The following TRPV1 variants were observed in gnomAD, a reference collection of about 807,000 sequenced individuals.
TRPV1 encodes the protein transient receptor potential cation channel subfamily V member 1.
A neutral mutation model predicts 82.3 loss-of-function variants in TRPV1; 82 were observed. The ratio of observed to expected loss-of-function variants is 1.00; its 90% CI spans 0.83 to 1.20. TRPV1 has a LOEUF of 1.20. Among genes scored for constraint, TRPV1 ranks in the 50% most tolerant of loss-of-function variants. The pLI, the probability that TRPV1 is intolerant of heterozygous loss-of-function variation, is 0.00. For synonymous variants in TRPV1, 515 were observed against 467.7 expected (o/e 1.10, Z -1.30); for missense variants, 1,067 against 1,096.8 (o/e 0.97, Z 0.38).
At chr17:3,574,490 G>A (rs2074903272) in intron 13 of TRPV1, among the ~76,000 whole-genome samples, 1 of 152,186 alleles carries the variant, frequency 6.6e-6, no homozygotes, top group Admixed American at 6.6e-5. Flanking sequence ...TTCAGATCCA[G>A]GTGCCAGAGC....
intron 2 of TRPV1, among the ~76,000 whole-genome samples, chr17:3,600,363 G>A (rs913031751): frequency 5.3e-5 from 8 of 152,260 alleles, no homozygotes; most frequent in African/African-American, 1.4e-4. Context: ...AGAAGTGGGC[G>A]GACTGTCTGA....
chr17:3,573,532 G>GGGGGGGGGGCCCCC, intron 14 of TRPV1, 101 bp downstream of exon 14: 1 of 257,076 alleles, frequency 3.9e-6, no homozygotes, highest in Non-Finnish European at 7.7e-6. Flanking sequence ...GCCACACACC[G>GGGGGGGGGGCCCCC]CCCCCACCAC....
chr17:3,583,803 C>T (rs540222017), intron 9 of TRPV1, among the ~76,000 whole-genome samples: 1 of 152,328 alleles, frequency 6.6e-6, no homozygotes, highest in Admixed American at 6.5e-5. Context: ...CAGCCCATGG[C>T]CAGTCTCCCA....
chr17:3,577,806 G>A (rs2074955042), intron 11 of TRPV1, 43 bp from the exon 12 acceptor site: 5 of 1,554,274 alleles, frequency 3.2e-6, no homozygotes, highest in Non-Finnish European at 4.4e-6. Context: ...GGGAACCCAG[G>A]AGGCCTGGCA....
At chr17:3,585,577 G>A (rs222745) in intron 9 of TRPV1, 191 bp downstream of exon 9, 83,820 of 673,764 alleles carry the variant, frequency 0.12, 6,463 homozygotes, top group East Asian at 0.28. Flanking sequence ...CGGGTCTCCT[G>A]TACAGCCTGA....
chr17:3,591,572 A>G (rs2075158302), intron 3 of TRPV1, among the ~76,000 whole-genome samples: 1 of 152,106 alleles, frequency 6.6e-6, no homozygotes, highest in Non-Finnish European at 1.5e-5. Context: ...CTGTCTATAG[A>G]CACCATCTAG....
At chr17:3,580,196 G>A (rs765928168) in intron 11 of TRPV1, among the ~76,000 whole-genome samples, 34 of 152,186 alleles carry the variant, frequency 2.2e-4, no homozygotes, top group Non-Finnish European at 4.0e-4. Context: ...CAGATGGATG[G>A]ACAATGAGTG....
At chr17:3,577,557 A>G in intron 12 of TRPV1, 41 bp downstream of exon 12, 1 of 1,551,758 alleles carries the variant, frequency 6.4e-7, no homozygotes, top group Middle Eastern at 1.7e-4. Context: ...CCACGAGGTA[A>G]GCGGGCTCTG....
rs1567658951 is a variant in TRPV1 at position 3,573,532 on chromosome 17, G to GGCCCC, written c.2103+100_2103+101insGGGGC. 1.4e-4 allele frequency: 36 copies of GGCCCC among 257,070 alleles called. 9 individuals are homozygous for GGCCCC. The highest frequency in any genetic ancestry group is 1.8e-4 in the South Asian group (6 of 33,502). The allele number at this position is 257,070 out of a possible 1,614,324, so 15.9% of individuals were successfully genotyped here. Reference sequence around the variant, plus strand: ...GCCCATACCCTCCTGGCCACACACCGCCCCCACCACCCACCCACCTGCAGC... The same window carrying GGCCCC: ...GCCCATACCCTCCTGGCCACACACCGGCCCCCCCCCACCACCCACCCACCTGCAGC... On this transcript the variant is annotated intron_variant, in intron 14 of 16. Coordinates refer to ENST00000572705, the MANE Select transcript of TRPV1 (RefSeq NM_080704.4).
chr17:3,607,480 T>C (rs1488550431), intron 2 of TRPV1, among the ~76,000 whole-genome samples: 1 of 151,918 alleles, frequency 6.6e-6, no homozygotes, highest in African/African-American at 2.4e-5. Flanking sequence ...ATCTGTAATA[T>C]AATTTAATTT....
At chr17:3,598,714 T>C (rs55808484) in intron 2 of TRPV1, among the ~76,000 whole-genome samples, 32,956 of 151,042 alleles carry the variant, frequency 0.22, 3,974 homozygotes, top group South Asian at 0.28. Context: ...TACAGGCACG[T>C]GCCACCACGC....
At chr17:3,574,307 C>T (rs568707016) in intron 13 of TRPV1, among the ~76,000 whole-genome samples, 10 of 152,312 alleles carry the variant, frequency 6.6e-5, no homozygotes, top group African/African-American at 2.4e-4. Flanking sequence ...GCTCCATGAG[C>T]ACTGAGCCGC....
intron 13 of TRPV1, among the ~76,000 whole-genome samples, chr17:3,576,212 ACT>A (rs1331139648): frequency 4.0e-5 from 6 of 151,786 alleles, no homozygotes. Flanking sequence ...ACAGCATGAG[ACT>A]CTGTCTCAAA....
At chr17:3,594,127 C>CAAA (rs57620622) in intron 2 of TRPV1, among the ~76,000 whole-genome samples, 408 of 46,142 alleles carry the variant, frequency 8.8e-3, no homozygotes, top group Middle Eastern at 0.015. Context: ...AACTCTGTCT[C>CAAA]AAAAAAAAAA....
chr17:3,592,685 C>T (rs1407913855), intron 2 of TRPV1: 12 of 295,488 alleles, frequency 4.1e-5, no homozygotes, highest in Non-Finnish European at 7.6e-5. Flanking sequence ...CATCCCTCCT[C>T]GTCTCTGGGC....
Position 3,591,241 on chromosome 17 carries a change from G to A in TRPV1, c.397C>T (p.Leu133=). The A allele has an allele frequency of 1.2e-6, 2 of 1,613,266 alleles. No homozygotes were observed. Among genetic ancestry groups the A allele is most frequent in the South Asian group, 2.2e-5 (2 of 91,028 alleles). ...AQNNCQDLES[L]LLFLQKSKKH... ...TTGCTCTTCTGCAGGAAGAGCAGCA[G>A]GCTCTCCAGATCCTGGCAGTTATTC... The change falls in exon 4 of 17, where the codon CTG becomes TTG. Residue 133 remains leucine (L), a synonymous_variant. Transcript: ENST00000572705.
intron 10 of TRPV1, among the ~76,000 whole-genome samples, chr17:3,581,782 G>T: frequency 6.7e-6 from 1 of 148,166 alleles, no homozygotes; most frequent in Non-Finnish European, 1.5e-5. Flanking sequence ...CTACTCGGGA[G>T]GCTGAGGCAG....
chr17:3,572,583 G>C (rs1290783794), intron 14 of TRPV1, among the ~76,000 whole-genome samples: 2 of 152,234 alleles, frequency 1.3e-5, no homozygotes, highest in Non-Finnish European at 2.9e-5. Flanking sequence ...GCAGGGCCAC[G>C]AGTGAGACTG....
intron 9 of TRPV1, among the ~76,000 whole-genome samples, chr17:3,584,421 AT>A (rs1304579708): frequency 0.017 from 283 of 16,204 alleles, 26 homozygotes; most frequent in Middle Eastern, 0.045. Context: ...AAAAAATAAA[AT>A]AAAAAAAAAA....
Sources: allele counts gnomAD v4.1 joint callset (sites outside exome capture counted in the v4.1 genomes callset), GRCh38; gene constraint gnomAD v4.1.1; transcripts MANE v1.5; gene names NCBI Gene and HGNC (gene_info 2026-07-23, HGNC 2026-07-21).